KCNIP4: variants seen among roughly 807,000 people sequenced by gnomAD.
The protein encoded by KCNIP4 is Kv channel-interacting protein 4.
KCNIP4 carries 12 observed loss-of-function variants against 34.0 expected under a neutral mutation model. The observed-to-expected ratio is 0.35, with a 90% CI of 0.23 to 0.57. The LOEUF (loss-of-function observed/expected upper bound fraction) is 0.57, where lower values mean the gene tolerates loss of function less well. KCNIP4 is among the 20% of genes least tolerant of loss of function. The pLI is 0.83. For missense variants in KCNIP4, 238 were observed against 311.7 expected (o/e 0.76, Z 1.78); for synonymous variants, 124 against 102.2 (o/e 1.21, Z -1.29).
intron 1 of KCNIP4, among the ~76,000 whole-genome samples, chr4:21,335,779 T>C (rs1265986872): frequency 6.6e-6 from 1 of 152,192 alleles, no homozygotes; most frequent in Admixed American, 6.5e-5. Flanking sequence ...AAACTAGTGG[T>C]ATAGCCAGTT....
At chr4:21,727,952 G>A (rs1033015788) in intron 1 of KCNIP4, among the ~76,000 whole-genome samples, 1 of 152,084 alleles carries the variant, frequency 6.6e-6, no homozygotes, top group Non-Finnish European at 1.5e-5. Context: ...AACAGGCCAG[G>A]CATTTCTTGC....
intron 1 of KCNIP4, among the ~76,000 whole-genome samples, chr4:21,798,150 C>T (rs1018784357): frequency 2.0e-5 from 3 of 151,864 alleles, no homozygotes; most frequent in Admixed American, 1.3e-4. Context: ...ACACACATAT[C>T]CACACACATC....
intron 1 of KCNIP4, chr4:20,916,208 C>A (rs952433375): frequency 1.1e-5 from 5 of 437,106 alleles, no homozygotes; most frequent in African/African-American, 6.5e-5. Context: ...TATAAAATGA[C>A]CCCTAACTCT....
intron 1 of KCNIP4, among the ~76,000 whole-genome samples, chr4:21,189,090 A>T (rs1755451055): frequency 6.6e-6 from 1 of 152,244 alleles, no homozygotes; most frequent in South Asian, 2.1e-4. Context: ...TTGCAGAGCT[A>T]TTGTAAAAAG....
chr4:21,036,267 G>T (rs1262354481), intron 1 of KCNIP4, among the ~76,000 whole-genome samples: 1 of 152,140 alleles, frequency 6.6e-6, no homozygotes, highest in Non-Finnish European at 1.5e-5. Context: ...TGATCAGAGA[G>T]ATCAATTAAC....
In KCNIP4 at chr4:21,398,775, A is replaced by G. The variant is rs915896602; in HGVS notation, c.62-516066T>C. On this transcript the variant is annotated intron_variant, in intron 1 of 8. Transcript: ENST00000382152. The stretch of plus-strand genomic sequence containing the variant: ...TCCTCTCTCTCTTTCTTTCTTTCTC[A>G]CTTTTTCTCTCTCGTAATCTCCTTC... 3.3e-5 allele frequency among the ~76,000 whole-genome samples: 5 copies of G among 152,062 alleles called. No individual in the cohort carries two copies. The East Asian group carries it at 9.6e-4, about 29-fold the overall frequency.
At chr4:21,038,128 C>T (rs1439862051) in intron 1 of KCNIP4, among the ~76,000 whole-genome samples, 2 of 152,160 alleles carry the variant, frequency 1.3e-5, no homozygotes, top group Non-Finnish European at 2.9e-5. Context: ...CAGGCATGTG[C>T]CACCACGCCC....
chr4:21,065,589 C>T (rs1050647270), intron 1 of KCNIP4, among the ~76,000 whole-genome samples: 1 of 151,204 alleles, frequency 6.6e-6, no homozygotes, highest in African/African-American at 2.4e-5. Flanking sequence ...ATAACATGAC[C>T]ATATTATCTT....
intron 1 of KCNIP4, among the ~76,000 whole-genome samples, chr4:21,243,016 C>G (rs974142054): frequency 6.6e-6 from 1 of 152,044 alleles, no homozygotes; most frequent in Non-Finnish European, 1.5e-5. Flanking sequence ...ATATACCAAG[C>G]AGAATATCTA....
chr4:21,562,160 C>T (rs1477371524), intron 1 of KCNIP4, among the ~76,000 whole-genome samples: 1 of 151,694 alleles, frequency 6.6e-6, no homozygotes, highest in African/African-American at 2.4e-5. Context: ...GCTCACTCAC[C>T]ATGAAAACAA....
chr4:21,565,931 A>C (rs569821009), intron 1 of KCNIP4, among the ~76,000 whole-genome samples: 1 of 152,156 alleles, frequency 6.6e-6, no homozygotes, highest in Non-Finnish European at 1.5e-5. Flanking sequence ...TGGATATCCA[A>C]GTAGAATTTA....
chr4:21,936,570 A>G (rs1729873754), intron 1 of KCNIP4, among the ~76,000 whole-genome samples: 1 of 152,100 alleles, frequency 6.6e-6, no homozygotes, highest in African/African-American at 2.4e-5. Context: ...CAGAGACCCA[A>G]ATGAAGTGAG....
At chr4:20,807,061 T>C (rs10016449) in intron 3 of KCNIP4, among the ~76,000 whole-genome samples, 74,817 of 151,910 alleles carry the variant, frequency 0.49, 18,653 homozygotes, top group Admixed American at 0.57. Context: ...TGTGAGTTTA[T>C]ATGGTTCTGT....
At chr4:21,711,323 T>C (rs550381560) in intron 1 of KCNIP4, among the ~76,000 whole-genome samples, 2 of 152,106 alleles carry the variant, frequency 1.3e-5, no homozygotes, top group South Asian at 4.1e-4. Flanking sequence ...AATACAAAAA[T>C]TAGTTGGGTG....
At chr4:21,935,227 C>G (rs1028054282) in intron 1 of KCNIP4, among the ~76,000 whole-genome samples, 5 of 152,072 alleles carry the variant, frequency 3.3e-5, no homozygotes, top group African/African-American at 1.2e-4. Flanking sequence ...CTACTTAATG[C>G]CTCGACAACT....
chr4:20,813,964 T>A (rs905814449), intron 3 of KCNIP4, among the ~76,000 whole-genome samples: 2 of 152,190 alleles, frequency 1.3e-5, no homozygotes, highest in Non-Finnish European at 2.9e-5. Flanking sequence ...CAGGACTGGG[T>A]AGAAAGCCAA....
intron 1 of KCNIP4, among the ~76,000 whole-genome samples, chr4:21,675,717 T>C (rs2109015791): frequency 6.6e-6 from 1 of 152,188 alleles, no homozygotes; most frequent in South Asian, 2.1e-4. Flanking sequence ...AAGTAGAGAG[T>C]CACATGTTTT....
In KCNIP4 at chr4:21,234,511, C is replaced by T. The variant is rs1429162197; in HGVS notation, c.62-351802G>A. ...CGTATATAATATATATTACATATAA[C>T]GTATATAATATATATTACATATAAC... is the stretch of plus-strand genomic sequence containing the variant. On this transcript the variant is annotated intron_variant, in intron 1 of 8. Transcript: ENST00000382152. Among the ~76,000 whole-genome samples the T allele has an allele frequency of 2.8e-4, 28 of 98,658 alleles. 4 individuals are homozygous for T. The highest frequency in any genetic ancestry group is 1.1e-3 in the African/African-American group (23 of 20,914). The allele number at this position is 98,658 out of a possible 152,430, so 64.7% of individuals were successfully genotyped here. A position where few individuals can be genotyped will look rare whatever the true frequency, so the allele number is the denominator to read the frequency against.
intron 5 of KCNIP4, among the ~76,000 whole-genome samples, chr4:20,742,751 A>T (rs538399040): frequency 6.6e-6 from 1 of 152,170 alleles, no homozygotes; most frequent in Non-Finnish European, 1.5e-5. Flanking sequence ...AGGGTATTCA[A>T]TTAGGGAAAG....
Sources: allele counts gnomAD v4.1 joint callset (sites outside exome capture counted in the v4.1 genomes callset), GRCh38; gene constraint gnomAD v4.1.1; transcripts MANE v1.5; gene names NCBI Gene and HGNC (gene_info 2026-07-23, HGNC 2026-07-21).